TNS3: variants seen among roughly 807,000 people sequenced by gnomAD.
TNS3 encodes the protein tensin 3, also known as tensin-3.
TNS3 carries 45 observed loss-of-function variants against 140.9 expected under a neutral mutation model. That is an observed-to-expected ratio of 0.32 (90% CI 0.25 to 0.41). The LOEUF is 0.41. TNS3 is among the 10% of genes least tolerant of loss of function. The pLI is 1.00. For missense variants in TNS3, 1,716 were observed against 1,906.7 expected (o/e 0.90, Z 1.86); for synonymous variants, 815 against 788.4 (o/e 1.03, Z -0.56).
Position 47,382,497 on chromosome 7 carries a change from C to T in TNS3, c.1025-12876G>A, listed in dbSNP as rs1350290356. 3.9e-5 allele frequency among the ~76,000 whole-genome samples: 6 copies of T among 152,180 alleles called. No homozygotes were observed. The South Asian group carries it at 6.2e-4, about 16-fold the overall frequency. On this transcript the variant is annotated intron_variant, in intron 16 of 30. Coordinates refer to ENST00000311160, the MANE Select transcript of TNS3 (RefSeq NM_022748.12). ...TTAGTATTAACCTTTCTTGAAACAACGTGGTCTTTTGAAGCTTTGCTGATG... is the reference window on the plus strand; with the variant it reads ...TTAGTATTAACCTTTCTTGAAACAATGTGGTCTTTTGAAGCTTTGCTGATG...
chr7:47,424,776 T>G (rs1000387453), intron 9 of TNS3, among the ~76,000 whole-genome samples: 1 of 152,148 alleles, frequency 6.6e-6, no homozygotes, highest in South Asian at 2.1e-4. Context: ...GCACTGGGGT[T>G]GGAAAGGTGT....
At chr7:47,346,385 G>A (rs774013889) in intron 17 of TNS3, 29 bp from the exon 18 acceptor site, 8 of 1,611,790 alleles carry the variant, frequency 5.0e-6, no homozygotes, top group Non-Finnish European at 5.9e-6. Context: ...GCAGGCTGCA[G>A]GGCGCTTCCT....
intron 27 of TNS3, among the ~76,000 whole-genome samples, chr7:47,290,244 G>A (rs112280124): frequency 1.2e-4 from 18 of 152,236 alleles, no homozygotes; most frequent in African/African-American, 3.9e-4. Context: ...AACTTAAAAC[G>A]GATCACAGAC....
intron 5 of TNS3, 72 bp from the exon 6 acceptor site, chr7:47,439,730 T>C (rs1478374382): frequency 3.4e-5 from 51 of 1,522,284 alleles, no homozygotes; most frequent in Non-Finnish European, 4.3e-5. Context: ...AGGAAAAAGG[T>C]GAAGACGACG....
chr7:47,384,962 A>G (rs1480139898), intron 16 of TNS3, among the ~76,000 whole-genome samples: 2 of 151,848 alleles, frequency 1.3e-5, no homozygotes, highest in African/African-American at 4.8e-5. Flanking sequence ...CCCAACAACC[A>G]CCTGTTGCCA....
At chr7:47,494,103 A>C (rs904999450) in intron 3 of TNS3, among the ~76,000 whole-genome samples, 1 of 152,200 alleles carries the variant, frequency 6.6e-6, no homozygotes, top group African/African-American at 2.4e-5. Context: ...TGCAGGTCTA[A>C]AGCTAAACTT....
At chr7:47,547,936 T>C (rs562569881) in intron 1 of TNS3, among the ~76,000 whole-genome samples, 1 of 152,336 alleles carries the variant, frequency 6.6e-6, no homozygotes, top group East Asian at 1.9e-4. Flanking sequence ...AGTCTCACTC[T>C]GTCGCCCAGG....
In TNS3 at chr7:47,434,935, G is replaced by C. The variant is rs117122477; in HGVS notation, c.324+347C>G. Among the ~76,000 whole-genome samples, 300 of 152,308 alleles carry C rather than the reference G, an allele frequency of 2.0e-3. 6 individuals carry two copies. The East Asian group carries it at 0.04, about 20-fold the overall frequency. ...GTCTGACACAGTCCATCTGAAAAGG[G>C]CATACATAGCTCTTTTGAAAAGGAG... On this transcript the variant is annotated intron_variant, in intron 8 of 30. Coordinates refer to ENST00000311160, the MANE Select transcript of TNS3 (RefSeq NM_022748.12).
At chr7:47,549,330 A>C (rs1800001139) in intron 1 of TNS3, among the ~76,000 whole-genome samples, 1 of 152,070 alleles carries the variant, frequency 6.6e-6, no homozygotes, top group African/African-American at 2.4e-5. Context: ...GTCTCTACTA[A>C]AAATACCAAA....
intron 3 of TNS3, among the ~76,000 whole-genome samples, chr7:47,490,300 G>A (rs1444116295): frequency 6.6e-6 from 1 of 152,226 alleles, no homozygotes; most frequent in Non-Finnish European, 1.5e-5. Context: ...TACTGACACT[G>A]ACATTTGTGA....
At chr7:47,579,111 T>C (rs949043890) in intron 1 of TNS3, 5 of 152,144 alleles carry the variant, frequency 3.3e-5, no homozygotes, top group Non-Finnish European at 5.9e-5. Context: ...TTAATACTCT[T>C]GCTGTGAGGA....
rs977990069 is a variant in TNS3 at position 47,450,990 on chromosome 7, C to T, written c.-75-8935G>A. On this transcript the variant is annotated intron_variant, in intron 4 of 30. Coordinates refer to ENST00000311160, the MANE Select transcript of TNS3 (RefSeq NM_022748.12). ...CTCTACTAAAAATACAAAAATTAGC[C>T]AGGTGTGGTGGCAGGTGCCTGTAAA... Among the ~76,000 whole-genome samples the T allele has an allele frequency of 2.0e-5, 3 of 152,124 alleles. No homozygotes were observed. In the South Asian group the frequency reaches 6.2e-4, roughly 31 times the overall value.
rs143808098 is a variant in TNS3, at chr7:47,309,845, G to C, written c.2651-4842C>G. Among the ~76,000 whole-genome samples the C allele has an allele frequency of 8.7e-4, 133 of 152,356 alleles. 2 individuals carry two copies. In the East Asian group the frequency reaches 0.023, roughly 26 times the overall value. On this transcript the variant is annotated intron_variant, in intron 20 of 30. Transcript: ENST00000311160. ...GAGAGCATGTTAATTTTCAGTTACA[G>C]TGCAGGAGTTAAACTTCCACTAAGG...
chr7:47,492,499 G>A (rs566724254), intron 3 of TNS3, among the ~76,000 whole-genome samples: 3 of 152,324 alleles, frequency 2.0e-5, no homozygotes, highest in African/African-American at 7.2e-5. Context: ...CCTCAGCCCA[G>A]GCTGCTCCCT....
intron 16 of TNS3, among the ~76,000 whole-genome samples, chr7:47,378,944 C>T (rs1174544373): frequency 6.6e-6 from 1 of 152,192 alleles, no homozygotes. Flanking sequence ...TGGTGCTGCA[C>T]AATGTGGAAC....
chr7:47,430,035 C>T (rs1469806818), intron 8 of TNS3, among the ~76,000 whole-genome samples: 1 of 152,178 alleles, frequency 6.6e-6, no homozygotes, highest in Non-Finnish European at 1.5e-5. Flanking sequence ...CCAAAACAGG[C>T]ACACATGGTG....
In TNS3 at chr7:47,346,298, G is replaced by A. The variant is rs749649691; in HGVS notation, c.2340C>T (p.Tyr780=). The part of the protein sequence containing the change: ...GRLRKLSLGQ[Y]DNDAGGQLPF... ...GCAGCTGCCCCCCAGCATCGTTGTC[G>A]TACTGCCCCAGGCTCAGCTTCCTGA... The change falls in exon 18 of 31, where the codon TAC becomes TAT. Residue 780 remains tyrosine (Y), a synonymous_variant. Transcript: ENST00000311160. 2.1e-5 allele frequency: 34 copies of A among 1,614,092 alleles called. No individual in the cohort carries two copies. The highest frequency in any genetic ancestry group is 1.3e-4 in the East Asian group (6 of 44,890).
chr7:47,293,869 TG>T (rs1785855698), intron 24 of TNS3, 41 bp from the exon 25 acceptor site: 1 of 1,564,676 alleles, frequency 6.4e-7, no homozygotes, highest in Non-Finnish European at 8.8e-7. Context: ...TTTTTGAAAA[TG>T]GGAGCATGGG....
intron 1 of TNS3, among the ~76,000 whole-genome samples, chr7:47,560,611 G>T (rs1426213256): frequency 6.6e-6 from 1 of 152,126 alleles, no homozygotes; most frequent in African/African-American, 2.4e-5. Context: ...CTGTGGTCCC[G>T]CTGGCTGCTC....
Sources: allele counts gnomAD v4.1 joint callset (sites outside exome capture counted in the v4.1 genomes callset), GRCh38; gene constraint gnomAD v4.1.1; transcripts MANE v1.5; gene names NCBI Gene and HGNC (gene_info 2026-07-23, HGNC 2026-07-21).